Variants in CNTN6 observed in about 807,000 individuals in gnomAD.
CNTN6 encodes the protein contactin 6, also known as contactin-6.
Under a neutral mutation model 122.8 loss-of-function variants are expected in CNTN6, and 137 were observed. That is an observed-to-expected ratio of 1.12 (90% CI 0.97 to 1.29). The LOEUF is 1.29. Among genes scored for constraint, CNTN6 ranks in the 50% most tolerant of loss-of-function variants. The pLI, the probability that CNTN6 is intolerant of heterozygous loss-of-function variation, is 0.00. For synonymous variants in CNTN6, 570 were observed against 426.0 expected (o/e 1.34, Z -4.16); for missense variants, 1,634 against 1,223.4 (o/e 1.34, Z -5.01).
intron 17 of CNTN6, among the ~76,000 whole-genome samples, chr3:1,381,842 G>A (rs1691939435): frequency 6.6e-6 from 1 of 152,132 alleles, no homozygotes; most frequent in Non-Finnish European, 1.5e-5. Context: ...CAAACTCTGT[G>A]AGAGGAATTG....
chr3:1,309,904 A>G (rs971404167), intron 7 of CNTN6, among the ~76,000 whole-genome samples: 1 of 152,182 alleles, frequency 6.6e-6, no homozygotes, highest in Non-Finnish European at 1.5e-5. Context: ...ATGGCATTGT[A>G]TGTTAATTGT....
Position 1,245,229 on chromosome 3 carries a change from TATATATAC to T in CNTN6, c.358+17238_358+17245del, listed in dbSNP as rs1559595642. On this transcript the variant is annotated intron_variant, in intron 4 of 22. Transcript: ENST00000446702. ...ATATATATATATATATATATATATA[TATATATAC>T]ACACACACATATATATATAACATAT... Among the ~76,000 whole-genome samples the T allele has an allele frequency of 3.0e-3, 37 of 12,168 alleles. 9 individuals are homozygous for T. The highest frequency in any genetic ancestry group is 6.0e-3 in the African/African-American group (19 of 3,150). The allele number at this position is 12,168 out of a possible 152,430, so 8.0% of individuals were successfully genotyped here. A position where few individuals can be genotyped will look rare whatever the true frequency, so the allele number is the denominator to read the frequency against.
rs968740897 is a variant in CNTN6 at position 1,244,628 on chromosome 3, C to T, written c.358+16635C>T. ...CCGAGTCACAGCACCAAATTTCATGCGTGTCTGTGTGAAGAGACCGCCAAA... is the reference window on the plus strand; with the variant it reads ...CCGAGTCACAGCACCAAATTTCATGTGTGTCTGTGTGAAGAGACCGCCAAA... On this transcript the variant is annotated intron_variant, in intron 4 of 22. Coordinates refer to ENST00000446702, the MANE Select transcript of CNTN6 (RefSeq NM_001289080.2). 4.7e-4 allele frequency among the ~76,000 whole-genome samples: 71 copies of T among 152,286 alleles called. 1 individual carries two copies. Among genetic ancestry groups the T allele is most frequent in the African/African-American group, 1.5e-3 (64 of 41,562 alleles).
chr3:1,102,603 C>T (rs1179913518), intron 1 of CNTN6, among the ~76,000 whole-genome samples: 1 of 149,734 alleles, frequency 6.7e-6, no homozygotes, highest in Non-Finnish European at 1.5e-5. Flanking sequence ...GTGGCGGCGC[C>T]TGTAGTCCCA....
In CNTN6 at chr3:1,108,494, CCTG is replaced by C. The variant is rs201974149; in HGVS notation, c.-83+15375_-83+15377del. ...GGTGTGGAATTTTTCAGTTTGGAGT[CCTG>C]TTGGTGCTCAAAAAATTGTAGATCT... On this transcript the variant is annotated intron_variant, in intron 1 of 22. Transcript: ENST00000446702. 9.6e-3 allele frequency among the ~76,000 whole-genome samples: 1,454 copies of C among 151,978 alleles called. 29 individuals are homozygous for C. Among genetic ancestry groups the C allele is most frequent in the African/African-American group, 0.033 (1,362 of 41,480 alleles).
chr3:1,147,571 T>C (rs1467702959), intron 1 of CNTN6, among the ~76,000 whole-genome samples: 1 of 141,074 alleles, frequency 7.1e-6, no homozygotes, highest in Non-Finnish European at 1.5e-5. Flanking sequence ...TCAAAATAAA[T>C]TAGAGAAAAT....
At chr3:1,126,807 G>A (rs1175795828) in intron 1 of CNTN6, among the ~76,000 whole-genome samples, 3 of 151,786 alleles carry the variant, frequency 2.0e-5, no homozygotes, top group Admixed American at 6.6e-5. Context: ...TCCCTTCAAC[G>A]TGATTCTTCC....
chr3:1,240,706 T>TA (rs58626912), intron 4 of CNTN6, among the ~76,000 whole-genome samples: 19,299 of 129,294 alleles, frequency 0.15, 2,071 homozygotes, highest in African/African-American at 0.32. Context: ...GTTATTATAC[T>TA]AAAAAAAAAA....
chr3:1,150,075 A>G (rs2092806318), intron 2 of CNTN6, among the ~76,000 whole-genome samples: 1 of 149,492 alleles, frequency 6.7e-6, no homozygotes, highest in African/African-American at 2.5e-5. Flanking sequence ...AGCCATAGCT[A>G]CTTAAATGAG....
chr3:1,383,952 G>A (rs770754435), intron 19 of CNTN6, among the ~76,000 whole-genome samples: 1 of 147,040 alleles, frequency 6.8e-6, no homozygotes, highest in Non-Finnish European at 1.5e-5. Context: ...TGTGTCTTAT[G>A]GAGAGGTGCT....
Position 1,269,620 on chromosome 3 carries a change from A to G in CNTN6, c.359-8793A>G, listed in dbSNP as rs562909893. ...TTTGTCAGGCAAATGTGTCTATTAT[A>G]GAAAATCAAATCCAGTCTGACATGT... On this transcript the variant is annotated intron_variant, in intron 4 of 22. Coordinates refer to ENST00000446702, the MANE Select transcript of CNTN6 (RefSeq NM_001289080.2). 5.9e-5 allele frequency among the ~76,000 whole-genome samples: 9 copies of G among 152,308 alleles called. No homozygotes were observed. The South Asian group carries it at 1.9e-3, about 32-fold the overall frequency.
intron 4 of CNTN6, among the ~76,000 whole-genome samples, chr3:1,260,921 T>G (rs997749434): frequency 5.9e-5 from 9 of 152,150 alleles, no homozygotes; most frequent in Non-Finnish European, 8.8e-5. Flanking sequence ...GTGTCAGGTA[T>G]GTCTGTATTA....
At chr3:1,345,359 A>G (rs55957631) in intron 11 of CNTN6, among the ~76,000 whole-genome samples, 22,349 of 151,870 alleles carry the variant, frequency 0.15, 1,862 homozygotes, top group African/African-American at 0.22. Flanking sequence ...CAAGTGATTC[A>G]CCCACCCTGG....
At chr3:1,160,980 T>A (rs1365026664) in intron 2 of CNTN6, among the ~76,000 whole-genome samples, 2 of 152,064 alleles carry the variant, frequency 1.3e-5, no homozygotes. Flanking sequence ...AATATTTTCC[T>A]ATTACTTATG....
chr3:1,189,262 A>C (rs916399203), intron 2 of CNTN6, among the ~76,000 whole-genome samples: 3 of 152,162 alleles, frequency 2.0e-5, no homozygotes, highest in Admixed American at 2.0e-4. Context: ...TTTGAATATA[A>C]AAATCTCCTT....
At chr3:1,262,443 A>G (rs3772329) in intron 4 of CNTN6, among the ~76,000 whole-genome samples, 37,782 of 152,064 alleles carry the variant, frequency 0.25, 7,534 homozygotes, top group African/African-American at 0.56. Flanking sequence ...AGGTGTGGCA[A>G]GTGTCCTTCC....
chr3:1,103,517 C>T (rs1367651403), intron 1 of CNTN6, among the ~76,000 whole-genome samples: 2 of 152,176 alleles, frequency 1.3e-5, no homozygotes, highest in African/African-American at 4.8e-5. Context: ...TTTTTACTGA[C>T]TTCACTCTTA....
chr3:1,251,797 T>C (rs1326242755), intron 4 of CNTN6, among the ~76,000 whole-genome samples: 1 of 152,134 alleles, frequency 6.6e-6, no homozygotes, highest in Non-Finnish European at 1.5e-5. Context: ...GTCAACTAAA[T>C]CATCCTCACA....
intron 2 of CNTN6, among the ~76,000 whole-genome samples, chr3:1,220,348 G>T (rs1464930050): frequency 6.6e-6 from 1 of 152,056 alleles, no homozygotes; most frequent in Non-Finnish European, 1.5e-5. Flanking sequence ...CAACAAAAAT[G>T]AAACAACAAA....
Sources: gnomAD v4.1 joint callset for allele counts (sites outside exome capture counted in the v4.1 genomes callset) on GRCh38, gnomAD v4.1.1 for gene constraint, MANE v1.5 for transcripts, NCBI Gene and HGNC (gene_info 2026-07-23, HGNC 2026-07-21) for gene names.